GABPB2: variants seen among roughly 807,000 people sequenced by gnomAD.
GABPB2 encodes GA-binding protein subunit beta-2.
In GABPB2, 23 loss-of-function variants were observed where a neutral mutation model predicts 39.1. The ratio of observed to expected loss-of-function variants is 0.59; its 90% CI spans 0.42 to 0.83. The LOEUF is 0.83. Ranked by LOEUF, GABPB2 falls within the 40% of genes least tolerant of loss-of-function variation. GABPB2 has a pLI of 0.00. For missense variants in GABPB2, 467 were observed against 541.1 expected, an observed-to-expected ratio of 0.86 and a Z score of 1.36; for synonymous variants, 184 against 199.3, an observed-to-expected ratio of 0.92 and a Z score of 0.65.
chr1:151,074,205 G>C (rs1676964380), intron 1 of GABPB2, among the ~76,000 whole-genome samples: 1 of 151,384 alleles, frequency 6.6e-6, no homozygotes, highest in Admixed American at 6.6e-5. Context: ...TCGATCTCCT[G>C]ACCTCGTGAT....
At chr1:151,105,423 CAA>C (rs1471307233) in intron 6 of GABPB2, among the ~76,000 whole-genome samples, 8 of 147,210 alleles carry the variant, frequency 5.4e-5, no homozygotes, top group Admixed American at 2.7e-4. Context: ...AATATATATA[CAA>C]ATATATATAT....
At chr1:151,092,343 G>C (rs986187720) in intron 3 of GABPB2, among the ~76,000 whole-genome samples, 1 of 151,274 alleles carries the variant, frequency 6.6e-6, no homozygotes, top group Admixed American at 6.6e-5. Flanking sequence ...TTGACCTCGT[G>C]ATCCACCCGC....
Position 151,109,219 on chromosome 1 carries a change from G to T in GABPB2, c.922+1997G>T, listed in dbSNP as rs946101303. 2.7e-5 allele frequency among the ~76,000 whole-genome samples: 4 copies of T among 150,874 alleles called. No homozygotes were observed. In the Admixed American group the frequency reaches 2.7e-4, roughly 10 times the overall value. On this transcript the variant is annotated intron_variant, in intron 7 of 8. Transcript: ENST00000368918. ...TAAAAAATAAAAATGTATATTGGAG[G>T]TTGAAACGAAGGGTACTGGTATAAT...
rs942178118 is a variant in GABPB2, at chr1:151,120,797, C to G, written c.*2541C>G. On this transcript the variant is annotated 3_prime_UTR_variant, in exon 9 of 9. Coordinates refer to ENST00000368918, the MANE Select transcript of GABPB2 (RefSeq NM_144618.3). ...TTGAGACGGAGTCTTGCTCTTGTTG[C>G]CCAGGCTGGAGTGCAATGGTGTGAT... 2.9e-5 allele frequency: 4 copies of G among 138,810 alleles called. No individual in the cohort carries two copies. The highest frequency in any genetic ancestry group is 1.0e-4 in the African/African-American group (4 of 38,256). The allele number at this position is 138,810 out of a possible 1,614,324, so 8.6% of individuals were successfully genotyped here.
chr1:151,104,939 C>T (rs1679848748), intron 6 of GABPB2, among the ~76,000 whole-genome samples: 1 of 151,604 alleles, frequency 6.6e-6, no homozygotes, highest in African/African-American at 2.4e-5. Flanking sequence ...GAGTCTCACT[C>T]TGTCACCCAG....
At chr1:151,082,988 AAG>A (rs1006229043) in intron 1 of GABPB2, among the ~76,000 whole-genome samples, 22 of 151,854 alleles carry the variant, frequency 1.4e-4, no homozygotes, top group African/African-American at 5.3e-4. Flanking sequence ...AAAAAAAAAA[AAG>A]AAAAGAAAAA....
chr1:151,085,146 C>T (rs1214562927), intron 1 of GABPB2, among the ~76,000 whole-genome samples: 1 of 150,930 alleles, frequency 6.6e-6, no homozygotes, highest in Non-Finnish European at 1.5e-5. Context: ...ACCTGTAATC[C>T]CAGCACTTTG....
intron 2 of GABPB2, among the ~76,000 whole-genome samples, chr1:151,089,232 T>G (rs1458987129): frequency 6.6e-6 from 1 of 152,168 alleles, no homozygotes; most frequent in African/African-American, 2.4e-5. Context: ...GGCCAACAGA[T>G]TATTAGCATT....
At chr1:151,082,137 T>TG (rs2101453074) in intron 1 of GABPB2, among the ~76,000 whole-genome samples, 1 of 146,716 alleles carries the variant, frequency 6.8e-6, no homozygotes, top group East Asian at 2.0e-4. Context: ...AGTGCAGTGG[T>TG]GCGATCTCGG....
Position 151,118,158 on chromosome 1 carries a change from A to G in GABPB2, c.1249A>G (p.Thr417Ala), listed in dbSNP as rs773618580. The change falls in exon 9 of 9, where the codon ACA becomes GCA. Residue 417 changes from threonine (T) to alanine (A), a missense_variant. By Grantham distance (58) the Thr-to-Ala change is moderately conservative. Transcript: ENST00000368918. ...EVAEVDAVVV[T>A]EGELEERETK... Reference sequence around the variant, plus strand: ...GGCTGAGGTAGATGCTGTAGTAGTCACAGAGGGGGAGTTGGAAGAGAGAGA... The same window carrying G: ...GGCTGAGGTAGATGCTGTAGTAGTCGCAGAGGGGGAGTTGGAAGAGAGAGA... The G allele has an allele frequency of 1.2e-6, 2 of 1,614,162 alleles. No individual in the cohort carries two copies. The highest frequency in any genetic ancestry group is 1.1e-5 in the South Asian group (1 of 91,078).
Position 151,085,845 on chromosome 1 carries a change from G to A in GABPB2, c.1-2345G>A, listed in dbSNP as rs587753885. On this transcript the variant is annotated intron_variant, in intron 1 of 8. Transcript: ENST00000368918. ...GTAAGCAGCAGAAGTATTTTATGTC[G>A]GATAGGCACAGTGGCTCATGCCTGT... 9.5e-4 allele frequency among the ~76,000 whole-genome samples: 144 copies of A among 152,204 alleles called. 1 individual carries two copies. The highest frequency in any genetic ancestry group is 3.3e-3 in the African/African-American group (138 of 41,546).
At chr1:151,097,731 A>C (rs1679199859) in intron 4 of GABPB2, 121 bp from the exon 5 acceptor site, 1 of 895,264 alleles carries the variant, frequency 1.1e-6, no homozygotes, top group South Asian at 1.7e-5. Context: ...ATGAGCCAAG[A>C]TCGTGCCACT....
At chr1:151,083,264 G>C (rs936687047) in intron 1 of GABPB2, among the ~76,000 whole-genome samples, 7 of 152,180 alleles carry the variant, frequency 4.6e-5, no homozygotes, top group Non-Finnish European at 1.0e-4. Flanking sequence ...CCAAGTTGAT[G>C]GTGGTGGTTA....
At chr1:151,103,044 C>CTTTT (rs376522230) in intron 5 of GABPB2, among the ~76,000 whole-genome samples, 33 of 88,228 alleles carry the variant, frequency 3.7e-4, no homozygotes, top group East Asian at 7.0e-4. Context: ...ACAAAGTATA[C>CTTTT]TTTTTTTTTT....
chr1:151,116,619 T>G (rs1002544798), intron 7 of GABPB2, among the ~76,000 whole-genome samples: 4 of 152,066 alleles, frequency 2.6e-5, no homozygotes, highest in African/African-American at 9.7e-5. Flanking sequence ...GTTTGTTTGT[T>G]TGTTTTAAGA....
rs1680966525 is a variant in GABPB2 at position 151,117,498 on chromosome 1, CAG to C, written c.1030_1031del (p.Ser344CysfsTer9). 1 of 1,613,744 alleles carries C rather than the reference CAG, an allele frequency of 6.2e-7. No individual in the cohort carries two copies. The highest frequency in any genetic ancestry group is 1.3e-5 in the African/African-American group (1 of 74,898). ...AACCAAGGATAGGAGAGAAGACAAACAGTGTGGAGGAAAGCAAGGTAATGTTT... is the reference window on the plus strand; with the variant it reads ...AACCAAGGATAGGAGAGAAGACAAACTGTGGAGGAAAGCAAGGTAATGTTT... ...KKPRIGEKTN[S>X]VEESKEGNER... On this transcript the variant is annotated frameshift_variant, in exon 8 of 9. Coordinates refer to ENST00000368918, the MANE Select transcript of GABPB2 (RefSeq NM_144618.3). LOFTEE classifies it high-confidence loss of function.
At chr1:151,089,940 AT>A (rs36109860) in intron 2 of GABPB2, among the ~76,000 whole-genome samples, 152 of 143,746 alleles carry the variant, frequency 1.1e-3, no homozygotes, top group African/African-American at 2.8e-3. Context: ...TAGCATGTTA[AT>A]TTTTTTTTTT....
chr1:151,071,088 G>A (rs1304341543), intron 1 of GABPB2, among the ~76,000 whole-genome samples, 154 bp downstream of exon 1: 2 of 152,194 alleles, frequency 1.3e-5, no homozygotes, highest in African/African-American at 4.8e-5. Flanking sequence ...AGCGGCGGGA[G>A]GGGGACGGGG....
intron 7 of GABPB2, among the ~76,000 whole-genome samples, chr1:151,113,398 G>T (rs1680619741): frequency 6.6e-6 from 1 of 151,564 alleles, no homozygotes; most frequent in African/African-American, 2.4e-5. Flanking sequence ...GAACCCCGGA[G>T]GCGGAGCTTG....
Sources: gnomAD v4.1 joint callset for allele counts (sites outside exome capture counted in the v4.1 genomes callset) on GRCh38, gnomAD v4.1.1 for gene constraint, MANE v1.5 for transcripts, NCBI Gene and HGNC (gene_info 2026-07-23, HGNC 2026-07-21) for gene names.